Variants in EYA2 observed in about 807,000 individuals in gnomAD.
EYA2 encodes the protein protein phosphatase EYA2.
In EYA2, 31 loss-of-function variants were observed where a neutral mutation model predicts 69.2. That is an observed-to-expected ratio of 0.45 (90% CI 0.34 to 0.60). The LOEUF is 0.60. EYA2 is among the 20% of genes least tolerant of loss of function. The pLI, the probability that EYA2 is intolerant of heterozygous loss-of-function variation, is 0.02. For synonymous variants in EYA2, 257 were observed against 279.4 expected (o/e 0.92, Z 0.80); for missense variants, 622 against 701.2 (o/e 0.89, Z 1.28).
rs553958692 is a variant in EYA2 at position 46,967,054 on chromosome 20, G to C, written c.-10-22947G>C. On this transcript the variant is annotated intron_variant, in intron 1 of 15. Coordinates refer to ENST00000327619, the MANE Select transcript of EYA2 (RefSeq NM_005244.5). ...GTCACCCATGCTGGAGTGCAGTGAC[G>C]AAATCTCAGCTCACTGCAACGTCCA... Among the ~76,000 whole-genome samples the C allele has an allele frequency of 4.6e-5, 7 of 152,230 alleles. No homozygotes were observed. The East Asian group carries it at 1.4e-3, about 29-fold the overall frequency.
At chr20:47,061,482 G>A (rs1338305616) in intron 5 of EYA2, among the ~76,000 whole-genome samples, 1 of 152,014 alleles carries the variant, frequency 6.6e-6, no homozygotes, top group East Asian at 1.9e-4. Flanking sequence ...ATTGAACTAT[G>A]ATGGCACCAC....
intron 1 of EYA2, among the ~76,000 whole-genome samples, chr20:46,897,370 G>A (rs554379334): frequency 8.4e-4 from 128 of 152,338 alleles, no homozygotes; most frequent in Non-Finnish European, 1.6e-3. Flanking sequence ...GTCCAAGCAC[G>A]TCCACTTTAA....
At chr20:47,092,591 C>T (rs900125304) in intron 8 of EYA2, among the ~76,000 whole-genome samples, 4 of 152,288 alleles carry the variant, frequency 2.6e-5, no homozygotes, top group Admixed American at 2.0e-4. Context: ...AACATGTTTT[C>T]TGCTCTCTGT....
At chr20:47,180,717 C>T in intron 13 of EYA2, 98 bp from the exon 14 acceptor site, 2 of 1,468,346 alleles carry the variant, frequency 1.4e-6, no homozygotes, top group Non-Finnish European at 1.9e-6. Context: ...AGCCTCCAAG[C>T]CTACCAGATT....
At chr20:47,187,349 AAAAG>A (rs569873268) in intron 15 of EYA2, among the ~76,000 whole-genome samples, 8 of 151,552 alleles carry the variant, frequency 5.3e-5, no homozygotes, top group African/African-American at 1.2e-4. Context: ...AGCCTGTCTC[AAAAG>A]AAAGAAAGAA....
At chr20:46,958,660 G>A (rs527925553) in intron 1 of EYA2, among the ~76,000 whole-genome samples, 12 of 152,236 alleles carry the variant, frequency 7.9e-5, no homozygotes, top group Middle Eastern at 3.4e-3. Context: ...TAAAGTACCC[G>A]TTAGTTATTT....
intron 2 of EYA2, among the ~76,000 whole-genome samples, chr20:46,994,338 A>G (rs1981877290): frequency 6.6e-6 from 1 of 152,200 alleles, no homozygotes; most frequent in South Asian, 2.1e-4. Context: ...AATGGATTTG[A>G]ATTGATTGTA....
At chr20:47,006,883 A>C (rs1753723483) in intron 4 of EYA2, among the ~76,000 whole-genome samples, 1 of 152,176 alleles carries the variant, frequency 6.6e-6, no homozygotes, top group Non-Finnish European at 1.5e-5. Context: ...TTTTCCATGA[A>C]GACACTTGAG....
intron 9 of EYA2, among the ~76,000 whole-genome samples, chr20:47,130,560 C>T (rs1247443643): frequency 2.0e-5 from 3 of 151,814 alleles, no homozygotes; most frequent in Non-Finnish European, 2.9e-5. Context: ...CCACCGCGCC[C>T]GGCCGAGAAG....
At chr20:46,924,398 C>T (rs1203589401) in intron 1 of EYA2, among the ~76,000 whole-genome samples, 3 of 152,058 alleles carry the variant, frequency 2.0e-5, no homozygotes, top group South Asian at 2.1e-4. Flanking sequence ...AGGCCGGGCA[C>T]GCTGGCTCAC....
chr20:47,022,619 T>C (rs1983820407), intron 5 of EYA2, among the ~76,000 whole-genome samples: 1 of 151,926 alleles, frequency 6.6e-6, no homozygotes, highest in Non-Finnish European at 1.5e-5. Context: ...CAGCCTTAAT[T>C]TTTAACTGAG....
At chr20:47,029,983 T>C (rs1010252332) in intron 5 of EYA2, among the ~76,000 whole-genome samples, 24 of 152,192 alleles carry the variant, frequency 1.6e-4, no homozygotes, top group Non-Finnish European at 1.6e-4. Context: ...TTGAGGGTCA[T>C]AGGTCTCTGT....
At chr20:46,957,362 T>C (rs1383255227) in intron 1 of EYA2, among the ~76,000 whole-genome samples, 1 of 152,196 alleles carries the variant, frequency 6.6e-6, no homozygotes, top group Non-Finnish European at 1.5e-5. Flanking sequence ...ATCAGGAAGA[T>C]GTCAGGTTCT....
intron 10 of EYA2, among the ~76,000 whole-genome samples, chr20:47,162,391 T>C (rs1204760191): frequency 6.6e-6 from 1 of 152,178 alleles, no homozygotes; most frequent in East Asian, 1.9e-4. Flanking sequence ...TGAAAGCTTT[T>C]AATAAATACT....
At chr20:47,136,161 A>G (rs928505467) in intron 9 of EYA2, among the ~76,000 whole-genome samples, 5 of 152,226 alleles carry the variant, frequency 3.3e-5, no homozygotes, top group Admixed American at 6.5e-5. Context: ...CTCCTAATCT[A>G]TGTGGACTGG....
chr20:47,080,361 G>A (rs1434515309), intron 7 of EYA2, among the ~76,000 whole-genome samples: 1 of 150,372 alleles, frequency 6.7e-6, no homozygotes, highest in Non-Finnish European at 1.5e-5. Flanking sequence ...GAAACTTACA[G>A]CACGAAATAC....
At chr20:47,151,849 C>T (rs1421308979) in intron 10 of EYA2, among the ~76,000 whole-genome samples, 1 of 151,988 alleles carries the variant, frequency 6.6e-6, no homozygotes, top group Non-Finnish European at 1.5e-5. Flanking sequence ...GTGTTCACTG[C>T]TATAACTGGC....
chr20:47,172,734 C>T lies in EYA2; in HGVS notation c.1065C>T (p.Phe355=). Residue 355 remains phenylalanine, a synonymous_variant, in exon 12 of 16, where the codon TTC becomes TTT. Coordinates refer to ENST00000327619, the MANE Select transcript of EYA2 (RefSeq NM_005244.5). ...CATACAACTTCTCCGCTGACGGCTT[C>T]CACAGTTCGGCCCCAGGAGCCAACC... ...LSTYNFSADG[F]HSSAPGANLC... 2 of 1,613,676 alleles carry T rather than the reference C, an allele frequency of 1.2e-6. No individual in the cohort carries two copies. Among genetic ancestry groups the T allele is most frequent in the African/African-American group, 2.7e-5 (2 of 75,056 alleles).
intron 10 of EYA2, among the ~76,000 whole-genome samples, chr20:47,149,557 G>A (rs569620948): frequency 6.6e-6 from 1 of 151,944 alleles, no homozygotes; most frequent in African/African-American, 2.4e-5. Flanking sequence ...AAGAACACAA[G>A]TTTGGGCCAG....
Sources: allele counts gnomAD v4.1 joint callset (sites outside exome capture counted in the v4.1 genomes callset), GRCh38; gene constraint gnomAD v4.1.1; transcripts MANE v1.5; gene names NCBI Gene and HGNC (gene_info 2026-07-23, HGNC 2026-07-21).